PAPPA: variants seen among roughly 807,000 people sequenced by gnomAD.
PAPPA encodes pappalysin 1.
In PAPPA, 60 loss-of-function variants were observed where a neutral mutation model predicts 164.0. That is an observed-to-expected ratio of 0.37 (90% CI 0.30 to 0.45). PAPPA has a LOEUF of 0.45. Among genes scored for constraint, PAPPA ranks in the 20% least tolerant of loss-of-function variants. The pLI is 1.00. For missense variants in PAPPA, 1,782 were observed against 2,087.3 expected, an observed-to-expected ratio of 0.85 and a Z score of 2.85; for synonymous variants, 875 against 814.1, an observed-to-expected ratio of 1.07 and a Z score of -1.27.
intron 5 of PAPPA, among the ~76,000 whole-genome samples, chr9:116,221,610 C>T (rs1470942668): frequency 3.9e-5 from 6 of 152,164 alleles, no homozygotes; most frequent in South Asian, 2.1e-4. Flanking sequence ...AAGTGGCAGG[C>T]ACTGGGCTTC....
intron 2 of PAPPA, among the ~76,000 whole-genome samples, chr9:116,197,502 A>C (rs1451984147): frequency 6.6e-6 from 1 of 152,190 alleles, no homozygotes; most frequent in East Asian, 1.9e-4. Flanking sequence ...CATGTCTGCT[A>C]TTTTATTTTC....
intron 10 of PAPPA, among the ~76,000 whole-genome samples, chr9:116,322,372 C>T (rs72754259): frequency 0.012 from 1,760 of 142,302 alleles, 14 homozygotes; most frequent in Middle Eastern, 0.033. Context: ...ATCGTGCCAT[C>T]GCATTCCAGC....
At chr9:116,209,556 A>G (rs772985304) in intron 3 of PAPPA, among the ~76,000 whole-genome samples, 1 of 152,184 alleles carries the variant, frequency 6.6e-6, no homozygotes, top group South Asian at 2.1e-4. Context: ...CTATAAATCC[A>G]TAGCATGTTA....
At chr9:116,184,852 T>A (rs1399217540) in intron 1 of PAPPA, among the ~76,000 whole-genome samples, 7 of 152,172 alleles carry the variant, frequency 4.6e-5, no homozygotes, top group Admixed American at 3.3e-4. Context: ...CCGGCTCTAT[T>A]TAGAATCATT....
At chr9:116,245,197 T>A (rs205304) in intron 7 of PAPPA, among the ~76,000 whole-genome samples, 2 of 152,022 alleles carry the variant, frequency 1.3e-5, no homozygotes, top group Non-Finnish European at 2.9e-5. Flanking sequence ...GGGCAATTAC[T>A]TAAGGGGCAC....
At chr9:116,377,979 A>T (rs1179601419) in intron 20 of PAPPA, among the ~76,000 whole-genome samples, 12 of 152,206 alleles carry the variant, frequency 7.9e-5, no homozygotes. Flanking sequence ...TACCATCTAG[A>T]ATATGCTAAT....
intron 15 of PAPPA, among the ~76,000 whole-genome samples, chr9:116,348,361 C>T (rs1346364791): frequency 6.6e-6 from 1 of 151,858 alleles, no homozygotes; most frequent in African/African-American, 2.4e-5. Context: ...CTCCCACCCT[C>T]ATCTCAAGCC....
chr9:116,294,918 T>C (rs1217372476), intron 9 of PAPPA, among the ~76,000 whole-genome samples: 1 of 152,258 alleles, frequency 6.6e-6, no homozygotes, highest in African/African-American at 2.4e-5. Flanking sequence ...AAAGCTGTCC[T>C]ATCTTTATTT....
At chr9:116,368,401 A>C (rs1033818074) in intron 19 of PAPPA, among the ~76,000 whole-genome samples, 2 of 152,196 alleles carry the variant, frequency 1.3e-5, no homozygotes, top group African/African-American at 2.4e-5. Context: ...AAATCTCGGA[A>C]GTGAGGTGAT....
Position 116,187,816 on chromosome 9 carries a change from C to T in PAPPA, c.1078C>T (p.Leu360Phe), listed in dbSNP as rs1371905609. 8 of 1,614,138 alleles carry T rather than the reference C, an allele frequency of 5.0e-6. No homozygotes were observed. The Admixed American group carries it at 5.0e-5, about 10-fold the overall frequency. The change falls in exon 2 of 22, where the codon CTC (leucine) becomes TTC (phenylalanine). Residue 360 changes from leucine (L) to phenylalanine (F), a missense_variant. Around this residue, in one of 2 missense-constraint regions of PAPPA, gnomAD observed 1,324 missense variants for 1,656.9 expected, o/e 0.80. Transcript: ENST00000328252. The surrounding 1 kb of genome is among the most constrained non-coding windows in gnomAD (Gnocchi z 4.2). ...PKVVRYRVVNLYEDDHKNPTV... is the reference protein window; with the variant it reads ...PKVVRYRVVNFYEDDHKNPTV... The stretch of plus-strand genomic sequence containing the variant: ...GGTGGTGCGCTACCGCGTGGTCAAC[C>T]TCTATGAAGATGATCATAAGAACCC...
At position 116,207,466 on chromosome 9, in the gene PAPPA, G is replaced by A. The variant is rs1466270633; in HGVS notation, c.1489G>A (p.Asp497Asn). Residue 497 changes from aspartate to asparagine, a missense_variant, in exon 3 of 22, where the codon GAT becomes AAT. Around this residue, in one of 2 missense-constraint regions of PAPPA, gnomAD observed 1,324 missense variants for 1,656.9 expected, o/e 0.80. Coordinates refer to ENST00000328252, the MANE Select transcript of PAPPA (RefSeq NM_002581.5). ...CTTTTTCTGTTTCAGAGCCTACTTG[G>A]ATGTTAATGAGCTGAAGAACATTCT... is the stretch of plus-strand genomic sequence containing the variant. ...DPDSPHRAYL[D>N]VNELKNILKL... is the part of the protein sequence containing the mutation. 1 of 1,611,136 alleles carries A rather than the reference G, an allele frequency of 6.2e-7. No individual in the cohort carries two copies. The highest frequency in any genetic ancestry group is 1.3e-5 in the African/African-American group (1 of 74,796).
At chr9:116,164,181 A>C (rs982870771) in intron 1 of PAPPA, among the ~76,000 whole-genome samples, 13 of 151,928 alleles carry the variant, frequency 8.6e-5, no homozygotes, top group Non-Finnish European at 4.4e-5. Flanking sequence ...AAATACCAAA[A>C]CTCTGGAGTC....
At chr9:116,392,631 A>T (rs1846909211) in intron 21 of PAPPA, among the ~76,000 whole-genome samples, 1 of 152,184 alleles carries the variant, frequency 6.6e-6, no homozygotes. Flanking sequence ...TCTCAGCTTT[A>T]TATCTGTGAT....
rs544579437 is a variant in PAPPA at position 116,368,313 on chromosome 9, C to T, written c.4605+559C>T. ...CCACGTTCATGTGTCCGGTGCTTAG[C>T]ACGAAGACTCCATTTTAGCCTCAGC... On this transcript the variant is annotated intron_variant, in intron 19 of 21. Transcript: ENST00000328252. Among the ~76,000 whole-genome samples, 3 of 152,356 alleles carry T rather than the reference C, an allele frequency of 2.0e-5. No individual in the cohort carries two copies. In the South Asian group the frequency reaches 6.2e-4, roughly 32 times the overall value.
At chr9:116,384,281 A>AATAATAATG in intron 21 of PAPPA, among the ~76,000 whole-genome samples, 1 of 147,458 alleles carries the variant, frequency 6.8e-6, no homozygotes, top group East Asian at 2.0e-4. Flanking sequence ...TAATAATAAT[A>AATAATAATG]ATAATAATAA....
rs1209992651 is a variant in PAPPA at position 116,397,807 on chromosome 9, A to ACTT, written c.*1192_*1194dup. On this transcript the variant is annotated 3_prime_UTR_variant, in exon 22 of 22. Coordinates refer to ENST00000328252, the MANE Select transcript of PAPPA (RefSeq NM_002581.5). ...TCCAGAGACTACTGGAATTGTCGAG[A>ACTT]CTTTTGGATTATTATCCTTATCCTT... 3.9e-5 allele frequency: 6 copies of ACTT among 152,760 alleles called. No homozygotes were observed. The highest frequency in any genetic ancestry group is 1.4e-4 in the African/African-American group (6 of 41,574). 9.5% of individuals were successfully genotyped at this position (152,760 alleles called of 1,614,324 possible).
At chr9:116,224,530 T>C (rs1844481629) in intron 5 of PAPPA, among the ~76,000 whole-genome samples, 2 of 152,222 alleles carry the variant, frequency 1.3e-5, no homozygotes, top group Non-Finnish European at 2.9e-5. Flanking sequence ...AAAGATGGTA[T>C]ATAATAAGTA....
At chr9:116,212,075 T>C (rs745982391) in intron 4 of PAPPA, 143 bp downstream of exon 4, 21 of 702,044 alleles carry the variant, frequency 3.0e-5, no homozygotes, top group Non-Finnish European at 4.6e-5. Flanking sequence ...CTAATGTCTT[T>C]CGGTCATTCT....
At chr9:116,307,817 C>G (rs1587996823) in intron 10 of PAPPA, among the ~76,000 whole-genome samples, 1 of 151,924 alleles carries the variant, frequency 6.6e-6, no homozygotes, top group South Asian at 2.1e-4. Flanking sequence ...GACATGGAAA[C>G]CTTGAGTAAG....
Sources: allele counts gnomAD v4.1 joint callset (sites outside exome capture counted in the v4.1 genomes callset), GRCh38; gene constraint gnomAD v4.1.1; regional missense constraint gnomAD v4.1.1; non-coding constraint Gnocchi (gnomAD v3.1); transcripts MANE v1.5; gene names NCBI Gene and HGNC (gene_info 2026-07-23, HGNC 2026-07-21).